Variants in STEAP1B observed in about 807,000 individuals in gnomAD.
The protein encoded by STEAP1B is STEAP family member 1B, also known as STEAP family protein MGC87042.
In STEAP1B, 13 loss-of-function variants were observed where a neutral mutation model predicts 27.9. The observed-to-expected ratio is 0.47, with a 90% confidence interval of 0.30 to 0.74. STEAP1B has a LOEUF of 0.74. STEAP1B is among the 30% of genes least tolerant of loss of function. STEAP1B has a pLI of 0.06. For synonymous variants in STEAP1B, 86 were observed against 107.1 expected, an observed-to-expected ratio of 0.80 and a Z score of 1.22; for missense variants, 250 against 298.7, an observed-to-expected ratio of 0.84 and a Z score of 1.20.
intron 4 of STEAP1B, among the ~76,000 whole-genome samples, chr7:22,475,268 T>C (rs947657857): frequency 6.6e-6 from 1 of 152,184 alleles, no homozygotes; most frequent in Non-Finnish European, 1.5e-5. Flanking sequence ...TCAGACAGCA[T>C]GGTATACAGT....
At chr7:22,489,315 T>A (rs1453585239) in intron 4 of STEAP1B, among the ~76,000 whole-genome samples, 1 of 152,136 alleles carries the variant, frequency 6.6e-6, no homozygotes, top group Non-Finnish European at 1.5e-5. Context: ...GCACCATACT[T>A]AAACAGTACT....
At chr7:22,432,950 A>C (rs1037869155) in intron 4 of STEAP1B, among the ~76,000 whole-genome samples, 4 of 152,328 alleles carry the variant, frequency 2.6e-5, no homozygotes, top group Admixed American at 2.6e-4. Context: ...CAGTTGCTTC[A>C]TGAGCTCAAC....
intron 4 of STEAP1B, among the ~76,000 whole-genome samples, chr7:22,440,998 T>C (rs1032282740): frequency 6.6e-6 from 1 of 150,470 alleles, no homozygotes; most frequent in African/African-American, 2.4e-5. Context: ...TTAAATTGTA[T>C]ATTTTAATAT....
chr7:22,476,264 C>G (rs909609944), intron 4 of STEAP1B, among the ~76,000 whole-genome samples: 2 of 152,250 alleles, frequency 1.3e-5, no homozygotes, highest in African/African-American at 4.8e-5. Context: ...CCCTATTAAC[C>G]TCAATAGGGA....
intron 4 of STEAP1B, among the ~76,000 whole-genome samples, chr7:22,469,456 T>C (rs949345369): frequency 2.6e-5 from 4 of 152,214 alleles, no homozygotes; most frequent in African/African-American, 9.6e-5. Context: ...GTACAGAATG[T>C]CCTAACCTTT....
intron 4 of STEAP1B, among the ~76,000 whole-genome samples, chr7:22,439,949 A>G (rs1785307398): frequency 8.6e-6 from 1 of 115,770 alleles, no homozygotes; most frequent in South Asian, 3.1e-4. Context: ...TCTGTTGCTC[A>G]TCAGTAATCT....
chr7:22,471,189 CTCTT>C (rs1785876535), intron 4 of STEAP1B, among the ~76,000 whole-genome samples: 2 of 152,222 alleles, frequency 1.3e-5, no homozygotes, highest in Admixed American at 1.3e-4. Context: ...ACTGTACTGA[CTCTT>C]TCTAAGTGTG....
chr7:22,480,253 T>C (rs980860859), intron 4 of STEAP1B, among the ~76,000 whole-genome samples: 2 of 152,236 alleles, frequency 1.3e-5, no homozygotes, highest in African/African-American at 4.8e-5. Flanking sequence ...ATTGTACATA[T>C]CATTCTCGGC....
At chr7:22,420,828 A>T (rs1785035063) in intron 4 of STEAP1B, among the ~76,000 whole-genome samples, 1 of 152,200 alleles carries the variant, frequency 6.6e-6, no homozygotes, top group East Asian at 1.9e-4. Context: ...TAATCCTTCA[A>T]ACAACCCTGT....
At chr7:22,425,830 G>A (rs976745263) in intron 4 of STEAP1B, among the ~76,000 whole-genome samples, 15 of 152,194 alleles carry the variant, frequency 9.9e-5, no homozygotes, top group Middle Eastern at 3.2e-3. Context: ...AAATAGCAAA[G>A]GGGCAGATTC....
chr7:22,461,571 G>A (rs1047043577), intron 4 of STEAP1B, among the ~76,000 whole-genome samples: 43 of 152,146 alleles, frequency 2.8e-4, no homozygotes, highest in African/African-American at 1.0e-3. Context: ...CCCACGGAAG[G>A]AACTCTCTGG....
At chr7:22,491,283 A>G (rs897567838) in intron 4 of STEAP1B, among the ~76,000 whole-genome samples, 3 of 152,228 alleles carry the variant, frequency 2.0e-5, no homozygotes, top group African/African-American at 7.2e-5. Context: ...TATATAATAA[A>G]TGTTTATTAA....
chr7:22,452,792 T>C (rs866797006), intron 4 of STEAP1B, among the ~76,000 whole-genome samples: 16 of 152,264 alleles, frequency 1.1e-4, no homozygotes, highest in African/African-American at 3.9e-4. Context: ...CACTTTTCTA[T>C]GCAAGCACAG....
chr7:22,461,024 C>T (rs900985424), intron 4 of STEAP1B, among the ~76,000 whole-genome samples: 10 of 152,170 alleles, frequency 6.6e-5, no homozygotes, highest in Admixed American at 6.5e-4. Context: ...GGAGGCCCAA[C>T]ATTTGAAAAA....
chr7:22,464,678 C>G (rs1166587991), intron 4 of STEAP1B, among the ~76,000 whole-genome samples: 1 of 151,544 alleles, frequency 6.6e-6, no homozygotes, highest in South Asian at 2.1e-4. Flanking sequence ...CAGAGATGCA[C>G]GCACACAGAA....
chr7:22,465,457 T>C (rs1228720898), intron 4 of STEAP1B, among the ~76,000 whole-genome samples: 14 of 151,754 alleles, frequency 9.2e-5, no homozygotes, highest in Non-Finnish European at 1.8e-4. Context: ...CAATCAACAC[T>C]CTTATCTTTT....
chr7:22,431,438 G>A (rs937154228), intron 4 of STEAP1B, among the ~76,000 whole-genome samples: 2 of 152,182 alleles, frequency 1.3e-5, no homozygotes, highest in Non-Finnish European at 2.9e-5. Flanking sequence ...TCATTGGTCT[G>A]AATTGGGTTG....
chr7:22,435,520 C>A (rs1785242444), intron 4 of STEAP1B, among the ~76,000 whole-genome samples: 1 of 152,144 alleles, frequency 6.6e-6, no homozygotes, highest in Non-Finnish European at 1.5e-5. Flanking sequence ...TAAATTTTTT[C>A]TGAACATTTT....
intron 4 of STEAP1B, among the ~76,000 whole-genome samples, chr7:22,488,660 A>T (rs1786262688): frequency 6.6e-6 from 1 of 152,246 alleles, no homozygotes; most frequent in South Asian, 2.1e-4. Context: ...CCATGTTTTC[A>T]CAGGAGCCAC....
Sources: gnomAD v4.1 joint callset for allele counts (sites outside exome capture counted in the v4.1 genomes callset) on GRCh38, gnomAD v4.1.1 for gene constraint, MANE v1.5 for transcripts, NCBI Gene and HGNC (gene_info 2026-07-23, HGNC 2026-07-21) for gene names.